Variants in MRPL38 observed in about 807,000 individuals in gnomAD.
MRPL38 encodes the protein large ribosomal subunit protein mL38.
A neutral mutation model predicts 52.1 loss-of-function variants in MRPL38; 51 were observed. The ratio of observed to expected loss-of-function variants is 0.98; its 90% CI spans 0.78 to 1.24. The LOEUF is 1.24. Among genes scored for constraint, MRPL38 ranks in the 50% most tolerant of loss-of-function variants. MRPL38 has a pLI of 0.00. For missense variants in MRPL38, 527 were observed against 518.6 expected (o/e 1.02, Z -0.16); for synonymous variants, 245 against 212.7 (o/e 1.15, Z -1.32).
chr17:75,900,954 C>CT, intron 6 of MRPL38, 28 bp downstream of exon 6: 1 of 1,608,914 alleles, frequency 6.2e-7, no homozygotes, highest in Non-Finnish European at 8.5e-7. Context: ...TGGGCAGCAC[C>CT]CCCTACCCCC....
chr17:75,901,985 A>C lies in MRPL38; in HGVS notation c.382+35T>G. ...GGGGCAGGGACACACCCTGTACCCC[A>C]ACTCTGGGATGGCCCCTCCCCTGAG... is the stretch of plus-strand genomic sequence containing the variant. On this transcript the variant is annotated intron_variant, in intron 3 of 8. Transcript: ENST00000309352. This position sits in a 1 kb window ranked among gnomAD's most constrained non-coding sequence, Gnocchi z 5.7. The C allele has an allele frequency of 6.2e-7, 1 of 1,612,268 alleles. No individual in the cohort carries two copies.
chr17:75,901,913 G>C lies in MRPL38; in HGVS notation c.390C>G (p.Val130=), dbSNP rs1398232484. 5 of 1,448,466 alleles carry C rather than the reference G, an allele frequency of 3.5e-6. No individual in the cohort carries two copies. Among genetic ancestry groups the C allele is most frequent in the Non-Finnish European group, 4.6e-6 (5 of 1,078,164 alleles). The allele number at this position is 1,448,466 out of a possible 1,614,324, so 89.7% of individuals were successfully genotyped here. ...ACTCGGCCCGCACGGCATCCAGCGGGACACTGGCTAGACAGGAATAAGGCC... is the reference window on the plus strand; with the variant it reads ...ACTCGGCCCGCACGGCATCCAGCGGCACACTGGCTAGACAGGAATAAGGCC... ...ERAARLRTAS[V]PLDAVRAEWE... The change falls in exon 4 of 9, where the codon GTC becomes GTG. Residue 130 remains valine (V), a synonymous_variant. Coordinates refer to ENST00000309352, the MANE Select transcript of MRPL38 (RefSeq NM_032478.4). This position sits in a 1 kb window ranked among gnomAD's most constrained non-coding sequence, Gnocchi z 5.7.
chr17:75,898,766 C>A lies in MRPL38; in HGVS notation c.*84G>T. 3 of 1,540,110 alleles carry A rather than the reference C, an allele frequency of 1.9e-6. No individual in the cohort carries two copies. In the Admixed American group the frequency reaches 5.6e-5, roughly 29 times the overall value. On this transcript the variant is annotated 3_prime_UTR_variant, in exon 9 of 9. Coordinates refer to ENST00000309352, the MANE Select transcript of MRPL38 (RefSeq NM_032478.4). ...GGGGCTGCCTAAGGCAGGGCCCAGA[C>A]CCCACAGTGTGGGCCTCTGGAGCTG... is the stretch of plus-strand genomic sequence containing the variant.
chr17:75,899,011 G>A, intron 8 of MRPL38, 25 bp from the exon 9 acceptor site: 1 of 1,573,820 alleles, frequency 6.4e-7, no homozygotes, highest in Non-Finnish European at 8.6e-7. Flanking sequence ...AGGGGTACGG[G>A]GTGGTCTGCT....
chr17:75,901,665 T>C lies in MRPL38; in HGVS notation c.591+47A>G, dbSNP rs1303591109. ...GTCTGTGACACTGAGATGGGATGTG[T>C]CTGTGTTTGCACAGGGCAGGGAGGA... On this transcript the variant is annotated intron_variant, in intron 4 of 8. Coordinates refer to ENST00000309352, the MANE Select transcript of MRPL38 (RefSeq NM_032478.4). This position sits in a 1 kb window ranked among gnomAD's most constrained non-coding sequence, Gnocchi z 5.7. The C allele has an allele frequency of 3.3e-6, 5 of 1,528,082 alleles. No homozygotes were observed. Among genetic ancestry groups the C allele is most frequent in the Non-Finnish European group, 2.7e-6 (3 of 1,103,126 alleles). The allele number at this position is 1,528,082 out of a possible 1,614,324, so 94.7% of individuals were successfully genotyped here.
rs749856620 is a variant in MRPL38 at position 75,899,566 on chromosome 17, G to C, written c.819C>G (p.Phe273Leu). The change falls in exon 7 of 9, where the codon TTC becomes TTG. Residue 273 changes from phenylalanine (F) to leucine (L), a missense_variant. Coordinates refer to ENST00000309352, the MANE Select transcript of MRPL38 (RefSeq NM_032478.4). Reference sequence around the variant, plus strand: ...AGAAGTCAATCGGCTGGTCCTGCTTGAAGAGCAGGAAGGCAAGACGGTGGA... The same window carrying C: ...AGAAGTCAATCGGCTGGTCCTGCTTCAAGAGCAGGAAGGCAAGACGGTGGA... ...SGIHRLAFLL[F>L]KQDQPIDFSE... The C allele has an allele frequency of 1.2e-6, 2 of 1,606,682 alleles. No homozygotes were observed. Among genetic ancestry groups the C allele is most frequent in the African/African-American group, 1.3e-5 (1 of 74,928 alleles).
chr17:75,899,814 C>G, intron 6 of MRPL38, 140 bp from the exon 7 acceptor site: 1 of 674,150 alleles, frequency 1.5e-6, no homozygotes. Flanking sequence ...ACAGAGGAGG[C>G]AGCCAAGCTC....
chr17:75,901,998 C>A lies in MRPL38; in HGVS notation c.382+22G>T. ...ACCCTGTACCCCAACTCTGGGATGG[C>A]CCCTCCCCTGAGAAGGCTTACCTGT... On this transcript the variant is annotated intron_variant, in intron 3 of 8. Coordinates refer to ENST00000309352, the MANE Select transcript of MRPL38 (RefSeq NM_032478.4). This position sits in a 1 kb window ranked among gnomAD's most constrained non-coding sequence, Gnocchi z 5.7. 6.2e-7 allele frequency: 1 copy of A among 1,612,750 alleles called. No homozygotes were observed. The highest frequency in any genetic ancestry group is 8.5e-7 in the Non-Finnish European group (1 of 1,179,096).
Position 75,901,963 on chromosome 17 carries a change from G to GGGGGGGGC in MRPL38, c.383-44_383-43insGCCCCCCC. 4 of 1,184,828 alleles carry GGGGGGGGC rather than the reference G, an allele frequency of 3.4e-6. No individual in the cohort carries two copies. The highest frequency in any genetic ancestry group is 4.9e-6 in the Non-Finnish European group (4 of 817,970). 73.4% of individuals were successfully genotyped at this position (1,184,828 alleles called of 1,614,324 possible). A position where few individuals can be genotyped will look rare whatever the true frequency, so the allele number is the denominator to read the frequency against. On this transcript the variant is annotated intron_variant, in intron 3 of 8. Transcript: ENST00000309352. The surrounding 1 kb of genome is among the most constrained non-coding windows in gnomAD (Gnocchi z 5.7). ...CAGTTGGGATACGGGGGTGGGGGGG[G>GGGGGGGGC]CAGGGACACACCCTGTACCCCAACT...
Position 75,901,317 on chromosome 17 carries a change from C to G in MRPL38, c.592-44G>C, listed in dbSNP as rs759646448. 2.1e-5 allele frequency: 33 copies of G among 1,591,868 alleles called. No individual in the cohort carries two copies. The highest frequency in any genetic ancestry group is 2.7e-5 in the Non-Finnish European group (31 of 1,164,852). ...AGCTGTCAGCCCCACCAGGGACAGG[C>G]CAGCTGTTGCAGGGAGCCTTGGAGA... is the stretch of plus-strand genomic sequence containing the variant. On this transcript the variant is annotated intron_variant, in intron 4 of 8. Transcript: ENST00000309352. This position sits in a 1 kb window ranked among gnomAD's most constrained non-coding sequence, Gnocchi z 5.7.
chr17:75,899,776 G>A, intron 6 of MRPL38, 102 bp from the exon 7 acceptor site: 1 of 1,042,246 alleles, frequency 9.6e-7, no homozygotes, highest in Non-Finnish European at 1.3e-6. Flanking sequence ...CTCCCTGGGA[G>A]GACAGCTCTA....
chr17:75,902,501 C>T (rs2144134158), intron 2 of MRPL38, among the ~76,000 whole-genome samples: 1 of 152,338 alleles, frequency 6.6e-6, no homozygotes, highest in East Asian at 1.9e-4. Flanking sequence ...CCTGCCTCAG[C>T]CTCCTAAGTA....
At chr17:75,903,914 C>G (rs1247403220) in intron 2 of MRPL38, among the ~76,000 whole-genome samples, 2 of 151,994 alleles carry the variant, frequency 1.3e-5, no homozygotes, top group Non-Finnish European at 2.9e-5. Flanking sequence ...TTTTAGCAGA[C>G]ACGGGGTTTC....
chr17:75,902,105 C>G lies in MRPL38; in HGVS notation c.297G>C (p.Arg99=), dbSNP rs1308710093. The change falls in exon 3 of 9, where the codon CGG becomes CGC. Residue 99 remains arginine (R), a synonymous_variant. Coordinates refer to ENST00000309352, the MANE Select transcript of MRPL38 (RefSeq NM_032478.4). ...DIGLPPPKVS[R]TQQLLERKQA... The stretch of plus-strand genomic sequence containing the variant: ...GTTTCCGTTCCAGTAGCTGTTGGGT[C>G]CGGGAGACTTTGGGTGGAGGCAGCC... 1.3e-6 allele frequency: 2 copies of G among 1,598,224 alleles called. No homozygotes were observed. The highest frequency in any genetic ancestry group is 1.7e-6 in the Non-Finnish European group (2 of 1,172,792).
intron 6 of MRPL38, 34 bp downstream of exon 6, chr17:75,900,948 C>T: frequency 6.4e-7 from 1 of 1,574,604 alleles, no homozygotes; most frequent in South Asian, 1.1e-5. Context: ...CCCGCCTGGG[C>T]AGCACCCCCT....
At position 75,898,752 on chromosome 17, in the gene MRPL38, A is replaced by G; in HGVS notation, c.*98T>C. The G allele has an allele frequency of 6.7e-7, 1 of 1,486,104 alleles. No homozygotes were observed. The highest frequency in any genetic ancestry group is 2.4e-5 in the East Asian group (1 of 41,760). The allele number at this position is 1,486,104 out of a possible 1,614,324, so 92.1% of individuals were successfully genotyped here. ...GGGGGCCAAAGAGGGGGGCTGCCTA[A>G]GGCAGGGCCCAGACCCCACAGTGTG... is the stretch of plus-strand genomic sequence containing the variant. On this transcript the variant is annotated 3_prime_UTR_variant, in exon 9 of 9. Coordinates refer to ENST00000309352, the MANE Select transcript of MRPL38 (RefSeq NM_032478.4).
chr17:75,902,396 C>T lies in MRPL38; in HGVS notation c.248-242G>A, dbSNP rs146743714. The T allele has an allele frequency of 5.4e-4, 278 of 515,448 alleles. No individual in the cohort carries two copies. The East Asian group carries it at 8.4e-3, about 16-fold the overall frequency. The allele number at this position is 515,448 out of a possible 1,614,324, so 31.9% of individuals were successfully genotyped here. Reference sequence around the variant, plus strand: ...GGGATTACAGTAGTGTGAGCCACTGCGCCCAGCCATGGTAGCTAATTTAAA... The same window carrying T: ...GGGATTACAGTAGTGTGAGCCACTGTGCCCAGCCATGGTAGCTAATTTAAA... On this transcript the variant is annotated intron_variant, in intron 2 of 8. Transcript: ENST00000309352.
rs1399998857 is a variant in MRPL38, at chr17:75,899,572, C to T, written c.813G>A (p.Leu271=). The change falls in exon 7 of 9, where the codon CTG becomes CTA. Residue 271 remains leucine, a synonymous_variant. Transcript: ENST00000309352. The part of the protein sequence containing the change: ...RGSGIHRLAF[L]LFKQDQPIDF... ...CAATCGGCTGGTCCTGCTTGAAGAGCAGGAAGGCAAGACGGTGGATGCCGG... is the reference window on the plus strand; with the variant it reads ...CAATCGGCTGGTCCTGCTTGAAGAGTAGGAAGGCAAGACGGTGGATGCCGG... 1 of 1,606,182 alleles carries T rather than the reference C, an allele frequency of 6.2e-7. No individual in the cohort carries two copies. Among genetic ancestry groups the T allele is most frequent in the Admixed American group, 1.7e-5 (1 of 59,314 alleles).
At position 75,898,906 on chromosome 17, in the gene MRPL38, G is replaced by A. The variant is rs760476004; in HGVS notation, c.1087C>T (p.Leu363=). 3 of 1,611,472 alleles carry A rather than the reference G, an allele frequency of 1.9e-6. No individual in the cohort carries two copies. The highest frequency in any genetic ancestry group is 2.5e-6 in the Non-Finnish European group (3 of 1,179,322). The part of the protein sequence containing the change: ...KQKRFPHRQP[L]RYLDRYRDSH... ...TCCCTGTACCGGTCCAGGTAGCGCA[G>A]GGGCTGCCGGTGGGGGAAGCGCTTC... Residue 363 remains leucine (L), a synonymous_variant, in exon 9 of 9, where the codon CTG becomes TTG. Coordinates refer to ENST00000309352, the MANE Select transcript of MRPL38 (RefSeq NM_032478.4).
Sources: gnomAD v4.1 joint callset for allele counts (sites outside exome capture counted in the v4.1 genomes callset) on GRCh38, gnomAD v4.1.1 for gene constraint, Gnocchi (gnomAD v3.1) non-coding constraint, MANE v1.5 for transcripts, NCBI Gene and HGNC (gene_info 2026-07-23, HGNC 2026-07-21) for gene names.